ERCC6: variants seen among roughly 807,000 people sequenced by gnomAD.
The protein encoded by ERCC6 is DNA excision repair protein ERCC-6.
In ERCC6, 116 loss-of-function variants were observed where a neutral mutation model predicts 158.7. The observed-to-expected ratio is 0.73, with a 90% CI of 0.63 to 0.85. The LOEUF (loss-of-function observed/expected upper bound fraction) is 0.85. ERCC6 is among the 40% of genes least tolerant of loss of function. The pLI is 0.00. For missense variants in ERCC6, 1,698 were observed against 1,799.4 expected (o/e 0.94, Z 1.02); for synonymous variants, 678 against 659.3 (o/e 1.03, Z -0.43).
chr10:49,506,811 A>G (rs904535589), intron 5 of ERCC6, among the ~76,000 whole-genome samples: 31 of 142,820 alleles, frequency 2.2e-4, no homozygotes, highest in Non-Finnish European at 3.4e-4. Context: ...GTGAGTGGGG[A>G]AAAAAAAAAA....
chr10:49,515,609 A>G (rs1446204378), intron 5 of ERCC6: 1 of 1,613,996 alleles, frequency 6.2e-7, no homozygotes, highest in African/African-American at 1.3e-5. Flanking sequence ...CATATGTTTT[A>G]TGCAATTGCC....
intron 18 of ERCC6, among the ~76,000 whole-genome samples, chr10:49,464,498 G>C (rs117992505): frequency 6.6e-6 from 1 of 152,216 alleles, no homozygotes; most frequent in Non-Finnish European, 1.5e-5. Flanking sequence ...TTTGCATTAC[G>C]TAACGAGGAG....
At chr10:49,515,496 T>A (rs765330902) in intron 5 of ERCC6, 5 of 1,614,178 alleles carry the variant, frequency 3.1e-6, no homozygotes, top group Non-Finnish European at 4.2e-6. Flanking sequence ...GTTACGCTTC[T>A]GAGGTCTTCC....
intron 6 of ERCC6, chr10:49,505,259 T>C (rs1851424120): frequency 6.6e-6 from 1 of 152,580 alleles, no homozygotes; most frequent in Non-Finnish European, 1.5e-5. Context: ...TGAACACATC[T>C]ATCAGGCAGC....
chr10:49,526,828 T>C (rs1374315894), intron 4 of ERCC6, among the ~76,000 whole-genome samples: 1 of 152,040 alleles, frequency 6.6e-6, no homozygotes, highest in African/African-American at 2.4e-5. Context: ...AGAGATATAA[T>C]AGGAACCAGG....
chr10:49,530,699 C>A, intron 3 of ERCC6, 21 bp downstream of exon 3: 1 of 1,611,240 alleles, frequency 6.2e-7, no homozygotes, highest in South Asian at 1.1e-5. Flanking sequence ...AAATGCAATA[C>A]TGAATGTTAT....
chr10:49,457,249 T>C lies in ERCC6; in HGVS notation c.*1566A>G, dbSNP rs1333758295. On this transcript the variant is annotated 3_prime_UTR_variant, in exon 21 of 21. Coordinates refer to ENST00000355832, the MANE Select transcript of ERCC6 (RefSeq NM_000124.4). ...CTTATTGGCCTATTTAAAAATTCTT[T>C]CTATGACTTCTAAACAATGATGGCA... 6.6e-6 allele frequency: 1 copy of C among 152,208 alleles called. No homozygotes were observed. The highest frequency in any genetic ancestry group is 1.5e-5 in the Non-Finnish European group (1 of 68,038). The allele number at this position is 152,208 out of a possible 1,614,324, so 9.4% of individuals were successfully genotyped here.
Position 49,458,594 on chromosome 10 carries a change from AAT to A in ERCC6, c.*219_*220del. The A allele has an allele frequency of 3.6e-6, 2 of 554,072 alleles. No homozygotes were observed. Among genetic ancestry groups the A allele is most frequent in the Non-Finnish European group, 3.2e-6 (1 of 316,710 alleles). 34.3% of individuals were successfully genotyped at this position (554,072 alleles called of 1,614,324 possible). Reference sequence around the variant, plus strand: ...ATAATTAGATTGCCAAAAAAAAAAAAATCAATCCAAGTATTTTCTCCTTTAGC... The same window carrying A: ...ATAATTAGATTGCCAAAAAAAAAAAACAATCCAAGTATTTTCTCCTTTAGC... On this transcript the variant is annotated 3_prime_UTR_variant, in exon 21 of 21. Coordinates refer to ENST00000355832, the MANE Select transcript of ERCC6 (RefSeq NM_000124.4).
Position 49,524,517 on chromosome 10 carries a change from G to C in ERCC6, c.913C>G (p.Pro305Ala). Residue 305 changes from proline to alanine, a missense_variant, in exon 5 of 21, where the codon CCA becomes GCA. Pro to Ala is a conservative substitution (Grantham distance 27, BLOSUM62 -1). Coordinates refer to ENST00000355832, the MANE Select transcript of ERCC6 (RefSeq NM_000124.4). The part of the protein sequence containing the change: ...ARKAPAPVTP[P>A]APVQNKNKPN... ...TTGTTTTTATTTTGCACTGGGGCTG[G>C]AGGCGTGACTGGGGCTGGAGCTTTT... The C allele has an allele frequency of 1.2e-6, 2 of 1,614,178 alleles. No homozygotes were observed. The highest frequency in any genetic ancestry group is 1.7e-6 in the Non-Finnish European group (2 of 1,180,004).
chr10:49,518,070 A>G (rs1169851664), intron 5 of ERCC6, among the ~76,000 whole-genome samples: 5 of 152,236 alleles, frequency 3.3e-5, no homozygotes, highest in East Asian at 1.9e-4. Context: ...CTAAATCCTC[A>G]TCGGGTGCAA....
At position 49,455,984 on chromosome 10, in the gene ERCC6, A is replaced by G. The variant is rs1850477769; in HGVS notation, c.*2831T>C. 6.6e-6 allele frequency: 1 copy of G among 152,232 alleles called. No individual in the cohort carries two copies. Among genetic ancestry groups the G allele is most frequent in the Admixed American group, 6.5e-5 (1 of 15,284 alleles). The allele number at this position is 152,232 out of a possible 1,614,324, so 9.4% of individuals were successfully genotyped here. ...CTGACATTTAAAATCTACATCATTA[A>G]TCCAACAATTCTGTGCAGGCAGAGC... On this transcript the variant is annotated 3_prime_UTR_variant, in exon 21 of 21. Coordinates refer to ENST00000355832, the MANE Select transcript of ERCC6 (RefSeq NM_000124.4).
chr10:49,526,123 A>T lies in ERCC6; in HGVS notation c.653-1346T>A, dbSNP rs963144267. ...TTTATATATTTATATATTTTTATAT[A>T]TATATATATATATATATATATATAT... On this transcript the variant is annotated intron_variant, in intron 4 of 20. Coordinates refer to ENST00000355832, the MANE Select transcript of ERCC6 (RefSeq NM_000124.4). 4.4e-3 allele frequency among the ~76,000 whole-genome samples: 45 copies of T among 10,208 alleles called. 2 individuals carry two copies. The highest frequency in any genetic ancestry group is 0.012 in the African/African-American group (39 of 3,322). The allele number at this position is 10,208 out of a possible 152,430, so 6.7% of individuals were successfully genotyped here.
chr10:49,532,419 T>C, intron 2 of ERCC6, 124 bp downstream of exon 2: 1 of 1,468,976 alleles, frequency 6.8e-7, no homozygotes, highest in Non-Finnish European at 9.2e-7. Context: ...TTATTGACTC[T>C]GTCCTCCAAA....
At chr10:49,520,031 C>G (rs1044081125) in intron 5 of ERCC6, among the ~76,000 whole-genome samples, 6 of 152,228 alleles carry the variant, frequency 3.9e-5, no homozygotes, top group Admixed American at 1.3e-4. Flanking sequence ...GGCTCCCTGC[C>G]AGGCCCTCCC....
rs534307651 is a variant in ERCC6, at chr10:49,464,631, C to T, written c.3779-3075G>A. Among the ~76,000 whole-genome samples, 10 of 152,328 alleles carry T rather than the reference C, an allele frequency of 6.6e-5. No individual in the cohort carries two copies. In the South Asian group the frequency reaches 2.1e-3, roughly 32 times the overall value. ...GGAAAAAGTGGTTTCACGGGCCTGG[C>T]CCATGGTCCCCATGCTGTGTGCAGC... On this transcript the variant is annotated intron_variant, in intron 18 of 20. Transcript: ENST00000355832.
Position 49,474,056 on chromosome 10 carries a change from G to A in ERCC6, c.2569C>T (p.Arg857Ter), listed in dbSNP as rs751448793. The change falls in exon 13 of 21, where the codon CGA (arginine) becomes TGA (stop). Residue 857 changes from arginine (R) to a stop codon, truncating the protein, a stop_gained. Coordinates refer to ENST00000355832, the MANE Select transcript of ERCC6 (RefSeq NM_000124.4). LOFTEE classifies it high-confidence loss of function. Reference sequence around the variant, plus strand: ...CTTGACTGAGAAAACAGCAATACTCGCTGACCCTGCTTGTGCCATATTTTC... The same window carrying A: ...CTTGACTGAGAAAACAGCAATACTCACTGACCCTGCTTGTGCCATATTTTC... Reference protein sequence around the residue: ...LLKIWHKQGQRVLLFSQSRQM... With the variant: ...LLKIWHKQGQ 1.8e-5 allele frequency: 29 copies of A among 1,613,846 alleles called. No homozygotes were observed. Among genetic ancestry groups the A allele is most frequent in the Admixed American group, 3.3e-5 (2 of 60,000 alleles).
chr10:49,493,473 T>C (rs1851212228), intron 7 of ERCC6, among the ~76,000 whole-genome samples: 1 of 152,204 alleles, frequency 6.6e-6, no homozygotes. Flanking sequence ...ATGTAGGTGT[T>C]AAGAGAAAAC....
At chr10:49,469,634 T>C (rs1850736553) in intron 18 of ERCC6, among the ~76,000 whole-genome samples, 1 of 152,172 alleles carries the variant, frequency 6.6e-6, no homozygotes, top group South Asian at 2.1e-4. Flanking sequence ...AGCAGCAATC[T>C]TTGGTAACTC....
intron 12 of ERCC6, 47 bp from the exon 13 acceptor site, chr10:49,474,289 GTAA>G: frequency 1.4e-6 from 2 of 1,473,374 alleles, no homozygotes; most frequent in Non-Finnish European, 9.5e-7. Flanking sequence ...CCCATGTAAA[GTAA>G]GATTCCCTAG....
Sources: gnomAD v4.1 joint callset for allele counts (sites outside exome capture counted in the v4.1 genomes callset) on GRCh38, gnomAD v4.1.1 for gene constraint, MANE v1.5 for transcripts, NCBI Gene and HGNC (gene_info 2026-07-23, HGNC 2026-07-21) for gene names.